The following TMEM232 variants were observed in gnomAD, a reference collection of about 807,000 sequenced individuals.
TMEM232 encodes transmembrane protein 232.
Under a neutral mutation model 78.8 loss-of-function variants are expected in TMEM232, and 80 were observed. The observed-to-expected ratio is 1.01, with a 90% confidence interval of 0.85 to 1.22. The LOEUF is 1.22. TMEM232 is among the 50% of genes most tolerant of loss of function. The pLI is 0.00. For synonymous variants in TMEM232, 297 were observed against 254.3 expected (o/e 1.17, Z -1.60); for missense variants, 881 against 742.2 (o/e 1.19, Z -2.17).
At chr5:110,432,037 G>A (rs1390266239) in intron 12 of TMEM232, among the ~76,000 whole-genome samples, 1 of 151,686 alleles carries the variant, frequency 6.6e-6, no homozygotes, top group African/African-American at 2.4e-5. Context: ...GCTACAGTAA[G>A]TGAAGTCCAG....
At chr5:110,409,088 T>G (rs1755897675) in intron 2 of TMEM232, among the ~76,000 whole-genome samples, 1 of 152,208 alleles carries the variant, frequency 6.6e-6, no homozygotes, top group Non-Finnish European at 1.5e-5. Flanking sequence ...CACAGCTTCA[T>G]CTATTTATGG....
chr5:110,575,401 G>A lies in TMEM232; in HGVS notation c.1277-6776C>T, dbSNP rs115034358. On this transcript the variant is annotated intron_variant, in intron 10 of 13. Coordinates refer to ENST00000455884, the MANE Select transcript of TMEM232 (RefSeq NM_001039763.4). ...TTGATTGAAGCACAATTGCAAATAG[G>A]ATGCCAAAAGGTAGATGAATAATGA... is the stretch of plus-strand genomic sequence containing the variant. Among the ~76,000 whole-genome samples, 1,029 of 152,038 alleles carry A rather than the reference G, an allele frequency of 6.8e-3. 5 individuals carry two copies. The highest frequency in any genetic ancestry group is 0.013 in the Admixed American group (200 of 15,244).
chr5:110,577,635 T>TATCC (rs1353283563), intron 10 of TMEM232, among the ~76,000 whole-genome samples: 1 of 152,090 alleles, frequency 6.6e-6, no homozygotes, highest in African/African-American at 2.4e-5. Flanking sequence ...TGCTTATGAA[T>TATCC]AGTAGACTGG....
At chr5:110,524,016 A>C (rs930243036) in intron 12 of TMEM232, among the ~76,000 whole-genome samples, 11 of 149,302 alleles carry the variant, frequency 7.4e-5, no homozygotes, top group African/African-American at 9.8e-5. Context: ...TGTAATCCCA[A>C]CAGTTTGGGA....
chr5:110,420,523 C>G lies in TMEM232; in HGVS notation c.*57G>C. 1 of 1,076,048 alleles carries G rather than the reference C, an allele frequency of 9.3e-7. No individual in the cohort carries two copies. The highest frequency in any genetic ancestry group is 2.1e-5 in the South Asian group (1 of 48,276). The allele number at this position is 1,076,048 out of a possible 1,614,324, so 66.7% of individuals were successfully genotyped here. On this transcript the variant is annotated 3_prime_UTR_variant, in exon 14 of 14. Transcript: ENST00000455884. ...ATGTAGCTATCTTGGTATTTTTCAT[C>G]CTATGTATTTCTGCCATGTAGTCCT...
intron 5 of TMEM232, among the ~76,000 whole-genome samples, chr5:110,633,533 G>A (rs776189359): frequency 4.1e-4 from 63 of 152,064 alleles, no homozygotes; most frequent in Middle Eastern, 3.4e-3. Context: ...TGAATCATGG[G>A]GGTGGTTTCC....
chr5:110,493,915 A>T (rs1765381482), intron 12 of TMEM232, among the ~76,000 whole-genome samples: 1 of 151,866 alleles, frequency 6.6e-6, no homozygotes, highest in African/African-American at 2.4e-5. Flanking sequence ...ATTTCTCCTA[A>T]TGCTATCCCT....
rs1242689648 is a variant in TMEM232 at position 110,555,105 on chromosome 5, G to T, written c.1455+13342C>A. On this transcript the variant is annotated intron_variant, in intron 11 of 13. Transcript: ENST00000455884. The stretch of plus-strand genomic sequence containing the variant: ...TCTAGTTCCTCTTGGTGTAATGTTA[G>T]CTTGTTAATTTGAGATCTTTTAAAC... Among the ~76,000 whole-genome samples the T allele has an allele frequency of 2.6e-5, 4 of 152,106 alleles. No individual in the cohort carries two copies. In the East Asian group the frequency reaches 5.8e-4, roughly 22 times the overall value.
At position 110,709,579 on chromosome 5, in the gene TMEM232, G is replaced by C. The variant is rs394848; in HGVS notation, c.-13+17048C>G. On this transcript the variant is annotated intron_variant, in intron 1 of 13. Coordinates refer to ENST00000455884, the MANE Select transcript of TMEM232 (RefSeq NM_001039763.4). ...ATCCAACTAGAAACCAATAGAAGAG[G>C]AATTTTGGAAACTATACAAACACGT... Among the ~76,000 whole-genome samples, 53 of 152,154 alleles carry C rather than the reference G, an allele frequency of 3.5e-4. No homozygotes were observed. In the East Asian group the frequency reaches 9.6e-3, roughly 28 times the overall value.
chr5:110,649,822 C>A (rs575289161), intron 2 of TMEM232, among the ~76,000 whole-genome samples: 7 of 152,122 alleles, frequency 4.6e-5, no homozygotes, highest in African/African-American at 1.7e-4. Context: ...ATTAAAAAAT[C>A]AATGTATGGC....
intron 12 of TMEM232, among the ~76,000 whole-genome samples, chr5:110,513,199 G>A (rs1388678079): frequency 1.3e-5 from 2 of 152,118 alleles, no homozygotes; most frequent in East Asian, 3.9e-4. Context: ...ACAAACCGAT[G>A]TACGAAGCAT....
At chr5:110,454,506 A>G (rs1331710353) in intron 12 of TMEM232, among the ~76,000 whole-genome samples, 1 of 152,148 alleles carries the variant, frequency 6.6e-6, no homozygotes, top group Non-Finnish European at 1.5e-5. Context: ...AAGGAAAAAA[A>G]AAAGTAACAG....
At chr5:110,687,145 G>A (rs1793517574) in intron 1 of TMEM232, among the ~76,000 whole-genome samples, 1 of 152,026 alleles carries the variant, frequency 6.6e-6, no homozygotes. Context: ...ATAACTCAGG[G>A]GAGTTTGAAT....
At chr5:110,643,412 T>A (rs1353029622) in intron 2 of TMEM232, among the ~76,000 whole-genome samples, 1 of 152,020 alleles carries the variant, frequency 6.6e-6, no homozygotes, top group South Asian at 2.1e-4. Flanking sequence ...ATGAATTAAA[T>A]GGATCCCATA....
rs560462074 is a variant in TMEM232, at chr5:110,697,318, C to A, written c.-13+29309G>T. ...TAATTCAAGATGGATTAAAGACTTA[C>A]ATGTCAGACCTAAAACCATGAAAAC... On this transcript the variant is annotated intron_variant, in intron 1 of 13. Transcript: ENST00000455884. 1.8e-4 allele frequency among the ~76,000 whole-genome samples: 27 copies of A among 152,150 alleles called. 1 individual carries two copies. Among genetic ancestry groups the A allele is most frequent in the South Asian group, 1.5e-3 (7 of 4,818 alleles).
At chr5:110,613,001 T>C (rs1425579923) in intron 8 of TMEM232, among the ~76,000 whole-genome samples, 1 of 152,178 alleles carries the variant, frequency 6.6e-6, no homozygotes, top group Non-Finnish European at 1.5e-5. Flanking sequence ...TCCAGCAAGC[T>C]GCTTATCTCC....
At position 110,668,368 on chromosome 5, in the gene TMEM232, G is replaced by T. The variant is rs576379092; in HGVS notation, c.-12-1004C>A. 5.3e-5 allele frequency among the ~76,000 whole-genome samples: 8 copies of T among 152,154 alleles called. No individual in the cohort carries two copies. The South Asian group carries it at 1.2e-3, about 24-fold the overall frequency. ...CTAATCTGAGGTTGCCCTCTAAGAG[G>T]GAGCCTGGAGGATAGAAACTCCAAT... is the stretch of plus-strand genomic sequence containing the variant. On this transcript the variant is annotated intron_variant, in intron 1 of 13. Transcript: ENST00000455884.
At chr5:110,450,446 A>G (rs151199027) in intron 12 of TMEM232, among the ~76,000 whole-genome samples, 39 of 151,510 alleles carry the variant, frequency 2.6e-4, no homozygotes, top group Admixed American at 2.2e-3. Context: ...AACCTCCTAA[A>G]TTATCTCATT....
chr5:110,610,394 G>A (rs983827223), intron 8 of TMEM232: 25 of 199,936 alleles, frequency 1.3e-4, no homozygotes, highest in African/African-American at 5.7e-4. Flanking sequence ...GAAATACATG[G>A]GTTTTCCCAC....
Sources: allele counts gnomAD v4.1 joint callset (sites outside exome capture counted in the v4.1 genomes callset), GRCh38; gene constraint gnomAD v4.1.1; transcripts MANE v1.5; gene names NCBI Gene and HGNC (gene_info 2026-07-23, HGNC 2026-07-21).